MYOZ2: variants seen among roughly 807,000 people sequenced by gnomAD.
MYOZ2 encodes the protein myozenin-2.
MYOZ2 carries 19 observed loss-of-function variants against 25.4 expected under a neutral mutation model. The ratio of observed to expected loss-of-function variants is 0.75; its 90% CI spans 0.52 to 1.10. The LOEUF (loss-of-function observed/expected upper bound fraction) is 1.10, where lower values mean the gene tolerates loss of function less well. MYOZ2 is among the 50% of genes least tolerant of loss of function. The pLI is 0.00. For missense variants in MYOZ2, 270 were observed against 317.9 expected (o/e 0.85, Z 1.15); for synonymous variants, 92 against 106.9 (o/e 0.86, Z 0.86).
chr4:119,165,606 A>G (rs1442879154), intron 5 of MYOZ2, among the ~76,000 whole-genome samples: 2 of 152,220 alleles, frequency 1.3e-5, no homozygotes, highest in African/African-American at 4.8e-5. Flanking sequence ...CATCCCTTGC[A>G]TGAAAGAGGT....
intron 2 of MYOZ2, among the ~76,000 whole-genome samples, chr4:119,148,443 C>T (rs551766423): frequency 1.3e-5 from 2 of 152,164 alleles, no homozygotes; most frequent in South Asian, 2.1e-4. Context: ...TCCAGCCTCC[C>T]CTTATTTTTC....
At chr4:119,158,294 G>A in intron 4 of MYOZ2, 143 bp downstream of exon 4, 1 of 1,152,814 alleles carries the variant, frequency 8.7e-7, no homozygotes, top group Non-Finnish European at 1.2e-6. Flanking sequence ...AGGCACGGTG[G>A]CTCCCAATCC....
intron 5 of MYOZ2, among the ~76,000 whole-genome samples, chr4:119,166,040 T>C (rs1050334089): frequency 7.6e-6 from 1 of 130,828 alleles, no homozygotes; most frequent in Non-Finnish European, 1.6e-5. Context: ...TGTGTGTGCG[T>C]GTGTGTGTGT....
intron 5 of MYOZ2, among the ~76,000 whole-genome samples, chr4:119,171,143 T>C (rs1228592162): frequency 6.6e-6 from 1 of 152,008 alleles, no homozygotes; most frequent in Non-Finnish European, 1.5e-5. Flanking sequence ...TGCCAAACAA[T>C]AATACAAGAG....
chr4:119,138,482 T>C lies in MYOZ2; in HGVS notation c.76+1881T>C, dbSNP rs2149218208. Among the ~76,000 whole-genome samples the C allele has an allele frequency of 2.6e-5, 4 of 152,308 alleles. 1 individual carries two copies. The Middle Eastern group carries it at 0.014, about 518-fold the overall frequency. On this transcript the variant is annotated intron_variant, in intron 2 of 5. Transcript: ENST00000307128. ...AGGGGAGTATAATTTTTTCTCAGGATGCATAATAAAATGGACTTCAGAGAA... is the reference window on the plus strand; with the variant it reads ...AGGGGAGTATAATTTTTTCTCAGGACGCATAATAAAATGGACTTCAGAGAA...
At chr4:119,182,605 G>C (rs747867956) in intron 5 of MYOZ2, among the ~76,000 whole-genome samples, 1 of 152,162 alleles carries the variant, frequency 6.6e-6, no homozygotes, top group Non-Finnish European at 1.5e-5. Context: ...AGATCATCAG[G>C]CATTAGTTAG....
chr4:119,180,616 C>T (rs1277458411), intron 5 of MYOZ2, among the ~76,000 whole-genome samples: 2 of 152,096 alleles, frequency 1.3e-5, no homozygotes, highest in African/African-American at 2.4e-5. Context: ...TGCGGTGGTG[C>T]GATTTCAGCT....
At chr4:119,158,555 CA>C (rs1286214785) in intron 4 of MYOZ2, among the ~76,000 whole-genome samples, 1 of 151,270 alleles carries the variant, frequency 6.6e-6, no homozygotes, top group African/African-American at 2.4e-5. Flanking sequence ...GACCCTGACT[CA>C]AAAAAAAGTT....
chr4:119,156,528 CA>C (rs1741581329), intron 3 of MYOZ2, among the ~76,000 whole-genome samples: 1 of 151,938 alleles, frequency 6.6e-6, no homozygotes, highest in Admixed American at 6.6e-5. Flanking sequence ...TGTTTAAAGT[CA>C]TAATATTTTT....
chr4:119,166,025 C>CTG (rs748114286), intron 5 of MYOZ2, among the ~76,000 whole-genome samples: 4 of 150,168 alleles, frequency 2.7e-5, no homozygotes, highest in African/African-American at 1.0e-4. Context: ...ATATTACATG[C>CTG]TGTGTGTGTG....
chr4:119,152,052 A>G (rs1473923149), intron 3 of MYOZ2, among the ~76,000 whole-genome samples: 1 of 152,128 alleles, frequency 6.6e-6, no homozygotes, highest in African/African-American at 2.4e-5. Context: ...TTTCCTTGTT[A>G]TGTTTTTTGT....
chr4:119,159,709 C>T (rs1175358586), intron 4 of MYOZ2, among the ~76,000 whole-genome samples: 1 of 152,006 alleles, frequency 6.6e-6, no homozygotes, highest in African/African-American at 2.4e-5. Context: ...AAATGTAATA[C>T]TATTTTTGAA....
intron 3 of MYOZ2, 95 bp from the exon 4 acceptor site, chr4:119,157,927 T>G: frequency 6.8e-7 from 1 of 1,460,784 alleles, no homozygotes; most frequent in Non-Finnish European, 9.6e-7. Context: ...TGCATTTAAA[T>G]TATAAATATA....
rs150786800 is a variant in MYOZ2, at chr4:119,185,207, G to A, written c.561-759G>A. On this transcript the variant is annotated intron_variant, in intron 5 of 5. Coordinates refer to ENST00000307128, the MANE Select transcript of MYOZ2 (RefSeq NM_016599.5). Reference sequence around the variant, plus strand: ...TTCTTTTTTTCTGAGATGAGGTCTTGCTATATCACCCACGCTGGTCTCAAA... The same window carrying A: ...TTCTTTTTTTCTGAGATGAGGTCTTACTATATCACCCACGCTGGTCTCAAA... Among the ~76,000 whole-genome samples the A allele has an allele frequency of 2.2e-3, 324 of 145,950 alleles. 1 individual carries two copies. Among genetic ancestry groups the A allele is most frequent in the African/African-American group, 7.8e-3 (306 of 39,424 alleles).
chr4:119,162,218 G>C (rs1414773745), intron 4 of MYOZ2, among the ~76,000 whole-genome samples: 1 of 152,010 alleles, frequency 6.6e-6, no homozygotes, highest in Non-Finnish European at 1.5e-5. Flanking sequence ...GGGCATAAGG[G>C]GCACCCCAAG....
At chr4:119,154,871 G>GCA (rs199708837) in intron 3 of MYOZ2, among the ~76,000 whole-genome samples, 106 of 147,772 alleles carry the variant, frequency 7.2e-4, no homozygotes, top group African/African-American at 2.6e-3. Flanking sequence ...ACACACACAC[G>GCA]CACACACACA....
At position 119,158,169 on chromosome 4, in the gene MYOZ2, C is replaced by T. The variant is rs750882626; in HGVS notation, c.376+18C>T. ...TGCTCCAGGTAACCAATCCCCTTAC[C>T]AACAGAGCAATAAAATTTCTGTGTA... On this transcript the variant is annotated intron_variant, in intron 4 of 5. Transcript: ENST00000307128. The T allele has an allele frequency of 1.2e-6, 2 of 1,613,588 alleles. No individual in the cohort carries two copies. Among genetic ancestry groups the T allele is most frequent in the South Asian group, 2.2e-5 (2 of 91,068 alleles).
intron 5 of MYOZ2, among the ~76,000 whole-genome samples, chr4:119,171,287 G>A (rs1035768215): frequency 2.2e-4 from 33 of 152,114 alleles, no homozygotes; most frequent in African/African-American, 6.3e-4. Flanking sequence ...AATTTAGTGA[G>A]AGCACAGAAT....
chr4:119,175,736 C>T (rs1035925251), intron 5 of MYOZ2, among the ~76,000 whole-genome samples: 4 of 147,910 alleles, frequency 2.7e-5, no homozygotes, highest in Non-Finnish European at 5.9e-5. Context: ...TGGGTGACAG[C>T]GTGAGGCTCC....
Sources: allele counts gnomAD v4.1 joint callset (sites outside exome capture counted in the v4.1 genomes callset), GRCh38; gene constraint gnomAD v4.1.1; transcripts MANE v1.5; gene names NCBI Gene and HGNC (gene_info 2026-07-23, HGNC 2026-07-21).